AFF3: variants seen among roughly 807,000 people sequenced by gnomAD.
The protein encoded by AFF3 is AF4/FMR2 family member 3.
A neutral mutation model predicts 129.7 loss-of-function variants in AFF3; 32 were observed. The ratio of observed to expected loss-of-function variants is 0.25; its 90% CI spans 0.19 to 0.33. The LOEUF (loss-of-function observed/expected upper bound fraction) is 0.33. Among genes scored for constraint, AFF3 ranks in the 10% least tolerant of loss-of-function variants. The pLI, the probability that AFF3 is intolerant of heterozygous loss-of-function variation, is 1.00. For synonymous variants in AFF3, 644 were observed against 635.4 expected, an observed-to-expected ratio of 1.01 and a Z score of -0.20; for missense variants, 1,373 against 1,592.0, an observed-to-expected ratio of 0.86 and a Z score of 2.34.
intron 7 of AFF3, among the ~76,000 whole-genome samples, chr2:100,005,717 A>G (rs1681912095): frequency 6.6e-6 from 1 of 152,202 alleles, no homozygotes; most frequent in Non-Finnish European, 1.5e-5. Context: ...CTAAACGGTG[A>G]TATGTTGATA....
At chr2:100,053,317 TA>T (rs1686505128) in intron 4 of AFF3, among the ~76,000 whole-genome samples, 1 of 152,272 alleles carries the variant, frequency 6.6e-6, no homozygotes, top group African/African-American at 2.4e-5. Flanking sequence ...AGTGGTCTTC[TA>T]ATAACTGTAT....
intron 7 of AFF3, among the ~76,000 whole-genome samples, chr2:99,977,593 C>T (rs181461583): frequency 1.2e-4 from 18 of 152,360 alleles, no homozygotes; most frequent in East Asian, 3.9e-4. Context: ...CCAAAACAAA[C>T]GTCTCTAAGA....
At chr2:100,053,772 T>G (rs1209894236) in intron 4 of AFF3, among the ~76,000 whole-genome samples, 1 of 152,194 alleles carries the variant, frequency 6.6e-6, no homozygotes, top group Non-Finnish European at 1.5e-5. Context: ...GAAATCTGCC[T>G]GACATCCCTC....
At chr2:99,717,224 T>G (rs1678481463) in intron 11 of AFF3, among the ~76,000 whole-genome samples, 1 of 152,254 alleles carries the variant, frequency 6.6e-6, no homozygotes, top group Non-Finnish European at 1.5e-5. Flanking sequence ...AATATGTTTT[T>G]CATTTTTCTT....
intron 13 of AFF3, among the ~76,000 whole-genome samples, chr2:99,631,939 G>A (rs1488173671): frequency 4.0e-5 from 6 of 151,086 alleles, no homozygotes; most frequent in Non-Finnish European, 5.9e-5. Flanking sequence ...TGTTTTCCAC[G>A]GTGTCTGCAC....
chr2:99,824,530 T>C (rs912283514), intron 8 of AFF3, among the ~76,000 whole-genome samples: 6 of 152,200 alleles, frequency 3.9e-5, no homozygotes, highest in Non-Finnish European at 8.8e-5. Flanking sequence ...TAATAAAGAA[T>C]GAACTGCCCA....
At chr2:99,815,507 A>C (rs991743909) in intron 8 of AFF3, among the ~76,000 whole-genome samples, 9 of 152,120 alleles carry the variant, frequency 5.9e-5, no homozygotes, top group African/African-American at 2.2e-4. Context: ...TTACTTATTC[A>C]ATTTCTGATG....
chr2:100,093,522 T>G (rs1398351292), intron 4 of AFF3, among the ~76,000 whole-genome samples: 1 of 152,216 alleles, frequency 6.6e-6, no homozygotes, highest in Non-Finnish European at 1.5e-5. Flanking sequence ...CCTCTCAGAC[T>G]CCAAAGAATT....
chr2:99,705,855 C>T (rs1215370139), intron 11 of AFF3, among the ~76,000 whole-genome samples: 2 of 87,584 alleles, frequency 2.3e-5, no homozygotes, highest in East Asian at 7.8e-4. Flanking sequence ...GCCTGGGTGA[C>T]AAGAGCAAAA....
At chr2:99,951,480 T>C (rs932461934) in intron 7 of AFF3, among the ~76,000 whole-genome samples, 3 of 152,174 alleles carry the variant, frequency 2.0e-5, no homozygotes, top group African/African-American at 7.2e-5. Flanking sequence ...CCAAATTGTA[T>C]TGTACCTGCA....
chr2:99,836,446 C>T (rs939862799), intron 8 of AFF3, among the ~76,000 whole-genome samples: 6 of 152,020 alleles, frequency 3.9e-5, no homozygotes, highest in African/African-American at 1.2e-4. Context: ...CCTGTTTTGA[C>T]AATTGCTTTC....
intron 8 of AFF3, among the ~76,000 whole-genome samples, chr2:99,786,744 T>TA (rs1375746285): frequency 2.0e-5 from 3 of 152,202 alleles, no homozygotes; most frequent in Admixed American, 2.0e-4. Context: ...GTAAAATATT[T>TA]AGAGGATTCG....
At chr2:99,580,616 C>T (rs952021606) in intron 17 of AFF3, among the ~76,000 whole-genome samples, 2 of 152,186 alleles carry the variant, frequency 1.3e-5, no homozygotes, top group Non-Finnish European at 2.9e-5. Flanking sequence ...TCGCAGAGGC[C>T]GGGCGCGGTG....
intron 2 of AFF3, among the ~76,000 whole-genome samples, chr2:100,112,198 A>G (rs1371781306): frequency 6.6e-6 from 1 of 152,210 alleles, no homozygotes; most frequent in Non-Finnish European, 1.5e-5. Flanking sequence ...TACCATACAG[A>G]GAGGGCGAGT....
intron 7 of AFF3, among the ~76,000 whole-genome samples, chr2:99,975,754 CTT>C (rs35224838): frequency 5.3e-4 from 55 of 103,882 alleles, no homozygotes; most frequent in African/African-American, 1.9e-3. Context: ...TTTCCCTCCA[CTT>C]TTTTTTTTTT....
chr2:99,994,606 A>G (rs905961934), intron 7 of AFF3, among the ~76,000 whole-genome samples: 1 of 152,212 alleles, frequency 6.6e-6, no homozygotes, highest in Non-Finnish European at 1.5e-5. Context: ...TCATTTTTTA[A>G]TAAGAGGAAC....
intron 4 of AFF3, among the ~76,000 whole-genome samples, chr2:100,034,645 G>A (rs886679783): frequency 7.9e-5 from 12 of 151,782 alleles, no homozygotes; most frequent in African/African-American, 2.9e-4. Context: ...AGGATTTTGA[G>A]TGATTCTAAA....
intron 8 of AFF3, among the ~76,000 whole-genome samples, chr2:99,811,936 G>T (rs567321987): frequency 1.3e-5 from 2 of 152,282 alleles, no homozygotes; most frequent in South Asian, 4.1e-4. Context: ...GAGAAGTTGA[G>T]AACTTTCATT....
chr2:99,633,293 A>G (rs73964181), intron 13 of AFF3, among the ~76,000 whole-genome samples: 225 of 152,228 alleles, frequency 1.5e-3, no homozygotes, highest in African/African-American at 5.0e-3. Context: ...AAGGCAGGAA[A>G]TGAGGTGTCT....
Sources: gnomAD v4.1 joint callset for allele counts (sites outside exome capture counted in the v4.1 genomes callset) on GRCh38, gnomAD v4.1.1 for gene constraint, MANE v1.5 for transcripts, NCBI Gene and HGNC (gene_info 2026-07-23, HGNC 2026-07-21) for gene names.